FRYL: variants seen among roughly 807,000 people sequenced by gnomAD.
The protein encoded by FRYL is protein furry homolog-like.
Under a neutral mutation model 351.2 loss-of-function variants are expected in FRYL, and 150 were observed. The ratio of observed to expected loss-of-function variants is 0.43; its 90% CI spans 0.37 to 0.49. The LOEUF is 0.49. Ranked by LOEUF, FRYL falls within the 20% of genes least tolerant of loss-of-function variation. The pLI, the probability that FRYL is intolerant of heterozygous loss-of-function variation, is 0.00. For missense variants in FRYL, 3,036 were observed against 3,619.3 expected (o/e 0.84, Z 4.13); for synonymous variants, 1,153 against 1,257.1 (o/e 0.92, Z 1.75).
intron 2 of FRYL, among the ~76,000 whole-genome samples, chr4:48,694,124 G>A (rs1476950315): frequency 1.3e-5 from 2 of 152,156 alleles, no homozygotes; most frequent in Non-Finnish European, 2.9e-5. Flanking sequence ...AGGCATGACA[G>A]CAAGAGAGCA....
In FRYL at chr4:48,565,689, G is replaced by A; in HGVS notation, c.3172C>T (p.His1058Tyr). 1 of 1,603,960 alleles carries A rather than the reference G, an allele frequency of 6.2e-7. No homozygotes were observed. The highest frequency in any genetic ancestry group is 8.5e-7 in the Non-Finnish European group (1 of 1,177,498). ...TGAGGAAAAATACTTCTTCTCTGGTGCACTGTGAATAAAAAAAGATAGAAA... is the reference window on the plus strand; with the variant it reads ...TGAGGAAAAATACTTCTTCTCTGGTACACTGTGAATAAAAAAAGATAGAAA... ...VANIIQNVPV[H>Y]QRRSIFPQQS... is the part of the protein sequence containing the mutation. The change falls in exon 29 of 64, where the codon CAC (histidine) becomes TAC (tyrosine). Residue 1058 changes from histidine (H) to tyrosine (Y), a missense_variant and splice_region_variant. Around this residue, in one of 7 missense-constraint regions of FRYL, gnomAD observed 15 missense variants for 41.9 expected, o/e 0.36. Coordinates refer to ENST00000358350, the MANE Select transcript of FRYL (RefSeq NM_015030.2).
chr4:48,583,854 G>A (rs955142133), intron 19 of FRYL, among the ~76,000 whole-genome samples: 11 of 151,300 alleles, frequency 7.3e-5, no homozygotes, highest in South Asian at 2.1e-4. Context: ...GCAATGAGCC[G>A]AGATTGTGCC....
intron 16 of FRYL, among the ~76,000 whole-genome samples, 182 bp downstream of exon 16, chr4:48,593,748 A>G (rs1310461205): frequency 6.6e-6 from 1 of 152,162 alleles, no homozygotes; most frequent in African/African-American, 2.4e-5. Flanking sequence ...CAAACAAACA[A>G]ACAAACAAAC....
At chr4:48,533,169 C>A (rs1262136288) in intron 49 of FRYL, among the ~76,000 whole-genome samples, 1 of 151,858 alleles carries the variant, frequency 6.6e-6, no homozygotes, top group South Asian at 2.1e-4. Flanking sequence ...GCAAGTTGAG[C>A]TTGTGGTTCT....
In FRYL at chr4:48,672,864, G is replaced by GC. The variant is rs199888189; in HGVS notation, c.-81+11808dup. ...TTTGTTCCCTTCTAAAAAGAAAGTG[G>GC]CCTGTCATGTTATTCCTCTACCCAA... On this transcript the variant is annotated intron_variant, in intron 3 of 63. Coordinates refer to ENST00000358350, the MANE Select transcript of FRYL (RefSeq NM_015030.2). 1.8e-4 allele frequency among the ~76,000 whole-genome samples: 28 copies of GC among 152,232 alleles called. No homozygotes were observed. The East Asian group carries it at 5.4e-3, about 29-fold the overall frequency.
intron 11 of FRYL, among the ~76,000 whole-genome samples, chr4:48,604,589 T>C (rs546921933): frequency 6.6e-6 from 1 of 152,298 alleles, no homozygotes; most frequent in East Asian, 1.9e-4. Context: ...CAAAAGATTT[T>C]CAGTGCACAC....
At chr4:48,686,258 T>C (rs1364728603) in intron 2 of FRYL, among the ~76,000 whole-genome samples, 2 of 152,222 alleles carry the variant, frequency 1.3e-5, no homozygotes, top group Non-Finnish European at 2.9e-5. Context: ...AAATATAATA[T>C]TTCATTTACT....
chr4:48,642,298 T>C (rs1755492811), intron 3 of FRYL, among the ~76,000 whole-genome samples: 1 of 152,206 alleles, frequency 6.6e-6, no homozygotes, highest in South Asian at 2.1e-4. Flanking sequence ...TTGACATCTT[T>C]ATATTATAAA....
At chr4:48,694,304 CT>C (rs879346831) in intron 2 of FRYL, among the ~76,000 whole-genome samples, 274 of 145,366 alleles carry the variant, frequency 1.9e-3, no homozygotes, top group Admixed American at 2.0e-3. Flanking sequence ...ATTTAGAATA[CT>C]TTTTTTTTTT....
intron 47 of FRYL, among the ~76,000 whole-genome samples, chr4:48,538,437 C>G (rs1036552138): frequency 6.6e-6 from 1 of 152,110 alleles, no homozygotes; most frequent in Non-Finnish European, 1.5e-5. Context: ...TTTATCAAGA[C>G]AGTGAAAAGG....
chr4:48,778,634 G>C (rs1579009053), intron 1 of FRYL, among the ~76,000 whole-genome samples: 2 of 152,272 alleles, frequency 1.3e-5, no homozygotes, highest in East Asian at 3.9e-4. Context: ...GATTTCCTCG[G>C]CAAGTATTGA....
intron 1 of FRYL, among the ~76,000 whole-genome samples, chr4:48,725,342 C>CT (rs1769962689): frequency 1.3e-5 from 2 of 152,224 alleles, no homozygotes; most frequent in Admixed American, 6.5e-5. Context: ...TCAACAGACT[C>CT]TGTCTATCCT....
At chr4:48,762,518 T>C (rs1774519445) in intron 1 of FRYL, among the ~76,000 whole-genome samples, 2 of 152,194 alleles carry the variant, frequency 1.3e-5, no homozygotes, top group Non-Finnish European at 2.9e-5. Context: ...AGGATGGAAA[T>C]CAGGGGAGGG....
chr4:48,608,830 G>A (rs1249527845), intron 9 of FRYL, among the ~76,000 whole-genome samples, 157 bp downstream of exon 9: 2 of 152,196 alleles, frequency 1.3e-5, no homozygotes, highest in East Asian at 3.8e-4. Flanking sequence ...GTGTTAAAGA[G>A]CTTCTGAGAA....
chr4:48,611,196 C>T (rs1748109032), intron 7 of FRYL, among the ~76,000 whole-genome samples: 1 of 151,984 alleles, frequency 6.6e-6, no homozygotes, highest in Non-Finnish European at 1.5e-5. Context: ...ATACATCCTC[C>T]CGTACACTTT....
chr4:48,666,582 C>G (rs976476799), intron 3 of FRYL, among the ~76,000 whole-genome samples: 2 of 151,992 alleles, frequency 1.3e-5, no homozygotes, highest in African/African-American at 4.8e-5. Context: ...CTTAATATTC[C>G]TTAAACCCCC....
intron 2 of FRYL, among the ~76,000 whole-genome samples, chr4:48,695,162 T>C (rs1025190293): frequency 3.3e-5 from 5 of 152,178 alleles, no homozygotes; most frequent in Non-Finnish European, 7.3e-5. Flanking sequence ...TGTTTAAACA[T>C]ACCCCTAAGA....
intron 2 of FRYL, among the ~76,000 whole-genome samples, chr4:48,693,172 G>A (rs1332563760): frequency 1.3e-5 from 2 of 151,906 alleles, no homozygotes; most frequent in African/African-American, 2.4e-5. Context: ...ATTGCTTGTC[G>A]GTATTTCTTT....
chr4:48,699,852 T>C (rs776355414), intron 2 of FRYL, among the ~76,000 whole-genome samples: 6 of 152,178 alleles, frequency 3.9e-5, no homozygotes, highest in Non-Finnish European at 7.3e-5. Context: ...TGTCTACAGA[T>C]CCAGTTCCCA....
Sources: allele counts gnomAD v4.1 joint callset (sites outside exome capture counted in the v4.1 genomes callset), GRCh38; gene constraint gnomAD v4.1.1; regional missense constraint gnomAD v4.1.1; transcripts MANE v1.5; gene names NCBI Gene and HGNC (gene_info 2026-07-23, HGNC 2026-07-21).